Variants in CDON observed in about 807,000 individuals in gnomAD.
The protein encoded by CDON is cell adhesion molecule-related/down-regulated by oncogenes.
A neutral mutation model predicts 120.9 loss-of-function variants in CDON; 73 were observed. The ratio of observed to expected loss-of-function variants is 0.60; its 90% CI spans 0.50 to 0.73. CDON has a LOEUF of 0.73. Ranked by LOEUF, CDON falls within the 30% of genes least tolerant of loss-of-function variation. The probability of loss-of-function intolerance (pLI) is 0.00; values close to 1 mark genes in which losing one functional copy is unlikely to be tolerated. For missense variants in CDON, 1,470 were observed against 1,587.3 expected, an observed-to-expected ratio of 0.93 and a Z score of 1.26; for synonymous variants, 566 against 573.5, an observed-to-expected ratio of 0.99 and a Z score of 0.19.
At chr11:126,024,080 A>T (rs1947715044) in intron 1 of CDON, among the ~76,000 whole-genome samples, 1 of 152,136 alleles carries the variant, frequency 6.6e-6, no homozygotes, top group Non-Finnish European at 1.5e-5. Flanking sequence ...AGAGAATATC[A>T]AGGTCAGGCC....
At chr11:125,982,158 TAG>T (rs2134450902) in intron 16 of CDON, among the ~76,000 whole-genome samples, 1 of 149,896 alleles carries the variant, frequency 6.7e-6, no homozygotes, top group African/African-American at 2.5e-5. Context: ...GTATTTTTAG[TAG>T]AGACAGGGTT....
intron 11 of CDON, among the ~76,000 whole-genome samples, chr11:125,998,402 C>T (rs893022303): frequency 5.9e-5 from 9 of 152,204 alleles, no homozygotes; most frequent in African/African-American, 1.4e-4. Context: ...TTGATTCACA[C>T]GAGAGCTGGT....
At chr11:126,048,892 G>A (rs931286423) in intron 1 of CDON, among the ~76,000 whole-genome samples, 3 of 152,030 alleles carry the variant, frequency 2.0e-5, no homozygotes, top group Non-Finnish European at 1.5e-5. Context: ...TAGTAGAGAC[G>A]GAGTTTCTCC....
chr11:126,040,709 G>T (rs1405568008), intron 1 of CDON, among the ~76,000 whole-genome samples: 1 of 149,594 alleles, frequency 6.7e-6, no homozygotes, highest in Non-Finnish European at 1.5e-5. Context: ...CAGCTACTTG[G>T]GAGGCTGAGG....
chr11:126,012,109 A>G (rs1947321235), intron 7 of CDON, among the ~76,000 whole-genome samples: 1 of 152,058 alleles, frequency 6.6e-6, no homozygotes, highest in Non-Finnish European at 1.5e-5. Flanking sequence ...CAAGTCTCCC[A>G]TGTTCTTTTT....
intron 15 of CDON, among the ~76,000 whole-genome samples, chr11:125,985,282 T>C (rs1172277326): frequency 6.6e-6 from 1 of 152,226 alleles, no homozygotes; most frequent in Admixed American, 6.5e-5. Context: ...CCAGCGATTC[T>C]CCTGCCTCAG....
chr11:126,004,394 G>T, intron 9 of CDON: 2 of 357,332 alleles, frequency 5.6e-6, no homozygotes, highest in Non-Finnish European at 1.1e-5. Context: ...TTTCTTCCTG[G>T]GCTAATGAAG....
chr11:125,998,738 T>C (rs640478), intron 11 of CDON, among the ~76,000 whole-genome samples: 35,770 of 152,112 alleles, frequency 0.24, 4,289 homozygotes, highest in African/African-American at 0.24. Context: ...ACATTGCAAA[T>C]TTGTAATTGC....
At chr11:126,005,611 C>A in intron 9 of CDON, 148 bp downstream of exon 9, 1 of 743,844 alleles carries the variant, frequency 1.3e-6, no homozygotes, top group Non-Finnish European at 2.3e-6. Flanking sequence ...GTAAATCCAG[C>A]ATGACTGGGA....
At chr11:126,003,684 G>C (rs1193477274) in intron 10 of CDON, among the ~76,000 whole-genome samples, 1 of 152,144 alleles carries the variant, frequency 6.6e-6, no homozygotes, top group Non-Finnish European at 1.5e-5. Flanking sequence ...GCCGGGCATG[G>C]TGGCACGCAC....
At chr11:126,026,613 T>C (rs1947800213) in intron 1 of CDON, among the ~76,000 whole-genome samples, 1 of 152,210 alleles carries the variant, frequency 6.6e-6, no homozygotes, top group African/African-American at 2.4e-5. Context: ...AACTCAAGTT[T>C]CTCTAGCTCG....
At chr11:126,031,302 G>C (rs958598484) in intron 1 of CDON, among the ~76,000 whole-genome samples, 3 of 152,146 alleles carry the variant, frequency 2.0e-5, no homozygotes, top group Non-Finnish European at 2.9e-5. Flanking sequence ...GTCTAACATG[G>C]GAATGGCTCA....
Position 125,973,018 on chromosome 11 carries a change from C to CTTTTTTTTTTTTTTTTTT in CDON, c.3356+5268_3356+5285dup, listed in dbSNP as rs35828939. Among the ~76,000 whole-genome samples, 24 of 87,034 alleles carry CTTTTTTTTTTTTTTTTTT rather than the reference C, an allele frequency of 2.8e-4. 4 individuals carry two copies. Among genetic ancestry groups the CTTTTTTTTTTTTTTTTTT allele is most frequent in the Non-Finnish European group, 4.0e-4 (18 of 44,940 alleles). The allele number at this position is 87,034 out of a possible 152,430, so 57.1% of individuals were successfully genotyped here. A position where few individuals can be genotyped will look rare whatever the true frequency, so the allele number is the denominator to read the frequency against. ...TGGCCTCTTCAACCAATTACTTGGTCTTTTTTTTTTTTTTTTTTTTTTTTA... is the reference window on the plus strand; with the variant it reads ...TGGCCTCTTCAACCAATTACTTGGTCTTTTTTTTTTTTTTTTTTTTTTTTTTTTTTTTTTTTTTTTTTA... On this transcript the variant is annotated intron_variant, in intron 18 of 19. Coordinates refer to ENST00000531738, the MANE Select transcript of CDON (RefSeq NM_001378964.1).
At chr11:126,048,281 T>C (rs1346455328) in intron 1 of CDON, among the ~76,000 whole-genome samples, 1 of 65,542 alleles carries the variant, frequency 1.5e-5, no homozygotes, top group African/African-American at 8.0e-5. Flanking sequence ...AGACTCTGTC[T>C]CAAAAAAAAA....
chr11:126,050,228 C>CAA (rs11439468), intron 1 of CDON, among the ~76,000 whole-genome samples: 64 of 147,144 alleles, frequency 4.3e-4, no homozygotes, highest in Non-Finnish European at 4.8e-4. Flanking sequence ...AGCAAAAAAA[C>CAA]AAAAAAAAAG....
At chr11:125,987,275 T>A (rs1334387654) in intron 15 of CDON, among the ~76,000 whole-genome samples, 1 of 151,914 alleles carries the variant, frequency 6.6e-6, no homozygotes, top group Non-Finnish European at 1.5e-5. Flanking sequence ...AAAGGTGAGA[T>A]GAAAAACATA....
Position 125,981,022 on chromosome 11 carries a change from G to A in CDON, c.3276+27C>T, listed in dbSNP as rs80012042. The A allele has an allele frequency of 1.6e-3, 2,506 of 1,612,730 alleles. 39 individuals are homozygous for A. In the African/African-American group the frequency reaches 0.03, roughly 19 times the overall value. ...ACTTGGCACCCTGAGGGACAGAGGG[G>A]CTTTTATTTATAGTTAGGTCTCTTA... On this transcript the variant is annotated intron_variant, in intron 17 of 19. Transcript: ENST00000531738.
At chr11:125,987,065 A>T (rs1265188461) in intron 15 of CDON, among the ~76,000 whole-genome samples, 1 of 152,246 alleles carries the variant, frequency 6.6e-6, no homozygotes, top group Non-Finnish European at 1.5e-5. Context: ...TATATTAAAG[A>T]TCATGATTAC....
intron 7 of CDON, among the ~76,000 whole-genome samples, chr11:126,013,194 A>G (rs1475988066): frequency 6.6e-6 from 1 of 152,234 alleles, no homozygotes; most frequent in Non-Finnish European, 1.5e-5. Context: ...ATAACTGTTC[A>G]GAAATGACGT....
Sources: allele counts gnomAD v4.1 joint callset (sites outside exome capture counted in the v4.1 genomes callset), GRCh38; gene constraint gnomAD v4.1.1; transcripts MANE v1.5; gene names NCBI Gene and HGNC (gene_info 2026-07-23, HGNC 2026-07-21).